The following THRB variants were observed in gnomAD, a reference collection of about 807,000 sequenced individuals.
THRB encodes the protein thyroid hormone receptor beta, also known as nuclear receptor subfamily 1 group A member 2.
A neutral mutation model predicts 47.8 loss-of-function variants in THRB; 12 were observed. The observed-to-expected ratio is 0.25, with a 90% CI of 0.16 to 0.41. THRB has a LOEUF of 0.41. Among genes scored for constraint, THRB ranks in the 10% least tolerant of loss-of-function variants. The pLI is 1.00. For synonymous variants in THRB, 218 were observed against 212.2 expected (o/e 1.03, Z -0.24); for missense variants, 348 against 589.2 (o/e 0.59, Z 4.24).
At chr3:24,336,309 G>GC (rs1179139145) in intron 2 of THRB, among the ~76,000 whole-genome samples, 1 of 152,132 alleles carries the variant, frequency 6.6e-6, no homozygotes, top group African/African-American at 2.4e-5. Flanking sequence ...TCGACAATAG[G>GC]CCAGAGGCCA....
At chr3:24,254,086 G>A (rs1201487094) in intron 3 of THRB, among the ~76,000 whole-genome samples, 6 of 150,822 alleles carry the variant, frequency 4.0e-5, no homozygotes, top group Admixed American at 1.3e-4. Flanking sequence ...TTTACCGGCC[G>A]GGCGTGGTGG....
rs568720076 is a variant in THRB, at chr3:24,210,141, A to G, written c.22+18797T>C. ...AGGGGACGGTGCTGCAAAATGGTCC[A>G]TGCTTACTACACCAAGGAGAATTGG... On this transcript the variant is annotated intron_variant, in intron 4 of 10. Coordinates refer to ENST00000646209, the MANE Select transcript of THRB (RefSeq NM_001354712.2). Among the ~76,000 whole-genome samples, 12 of 152,310 alleles carry G rather than the reference A, an allele frequency of 7.9e-5. No homozygotes were observed. In the South Asian group the frequency reaches 1.7e-3, roughly 21 times the overall value.
intron 1 of THRB, among the ~76,000 whole-genome samples, chr3:24,342,513 A>G (rs1054299166): frequency 7.9e-5 from 12 of 152,234 alleles, no homozygotes; most frequent in African/African-American, 2.6e-4. Context: ...TGTCAGAGAT[A>G]CTGTCTGAGG....
chr3:24,486,011 C>G (rs1220189141), intron 1 of THRB, among the ~76,000 whole-genome samples: 3 of 152,072 alleles, frequency 2.0e-5, no homozygotes, highest in Non-Finnish European at 4.4e-5. Context: ...CACACATTTC[C>G]CACTCCACGG....
At chr3:24,280,963 G>T (rs1432155847) in intron 3 of THRB, among the ~76,000 whole-genome samples, 3 of 151,312 alleles carry the variant, frequency 2.0e-5, no homozygotes, top group South Asian at 2.1e-4. Context: ...ACGTCTGATT[G>T]GTGTACCTGA....
In THRB at chr3:24,122,594, G is replaced by A; in HGVS notation, c.*290C>T. On this transcript the variant is annotated 3_prime_UTR_variant, in exon 11 of 11. Coordinates refer to ENST00000646209, the MANE Select transcript of THRB (RefSeq NM_001354712.2). ...CTCAAGTCTTGGACCAGGGACGGGT[G>A]GGAGCTGGTGATGCTTGGTGCTGGT... 1 of 453,008 alleles carries A rather than the reference G, an allele frequency of 2.2e-6. No individual in the cohort carries two copies. Among genetic ancestry groups the A allele is most frequent in the South Asian group, 2.1e-5 (1 of 46,692 alleles). 28.1% of individuals were successfully genotyped at this position (453,008 alleles called of 1,614,324 possible). A position where few individuals can be genotyped will look rare whatever the true frequency, so the allele number is the denominator to read the frequency against.
intron 5 of THRB, among the ~76,000 whole-genome samples, chr3:24,178,242 C>T (rs978735149): frequency 1.3e-4 from 20 of 152,190 alleles, no homozygotes; most frequent in African/African-American, 4.6e-4. Context: ...ACTATTTCTG[C>T]ATCATATAAT....
intron 1 of THRB, among the ~76,000 whole-genome samples, chr3:24,338,410 A>G (rs2062406952): frequency 6.6e-6 from 1 of 152,222 alleles, no homozygotes; most frequent in Admixed American, 6.5e-5. Flanking sequence ...ATTTACCTAT[A>G]TGATATGAAT....
intron 1 of THRB, among the ~76,000 whole-genome samples, chr3:24,429,418 G>T (rs1254235220): frequency 6.6e-6 from 1 of 151,820 alleles, no homozygotes; most frequent in East Asian, 1.9e-4. Context: ...TATCCTCAGG[G>T]TAAGACTGTA....
At chr3:24,479,061 G>A (rs1014281392) in intron 1 of THRB, among the ~76,000 whole-genome samples, 2 of 152,170 alleles carry the variant, frequency 1.3e-5, no homozygotes, top group Non-Finnish European at 1.5e-5. Context: ...CACTTTGGGA[G>A]GCCAAGGTGG....
intron 3 of THRB, among the ~76,000 whole-genome samples, chr3:24,277,831 C>G (rs575640442): frequency 6.6e-6 from 1 of 152,184 alleles, no homozygotes; most frequent in Non-Finnish European, 1.5e-5. Context: ...TAAAGAATTA[C>G]TGGCAGTCTC....
chr3:24,204,390 C>G (rs2045019777), intron 4 of THRB, among the ~76,000 whole-genome samples: 1 of 152,228 alleles, frequency 6.6e-6, no homozygotes, highest in African/African-American at 2.4e-5. Context: ...CCCAGGCAAA[C>G]AGGGTCTAGA....
intron 1 of THRB, among the ~76,000 whole-genome samples, chr3:24,448,829 CT>C (rs2072353988): frequency 6.6e-6 from 1 of 152,148 alleles, no homozygotes; most frequent in African/African-American, 2.4e-5. Context: ...CTGCCACTGG[CT>C]TTGGAGAGTA....
At chr3:24,273,494 C>T (rs904568029) in intron 3 of THRB, among the ~76,000 whole-genome samples, 1 of 152,094 alleles carries the variant, frequency 6.6e-6, no homozygotes, top group African/African-American at 2.4e-5. Flanking sequence ...AGAGTGGTCC[C>T]TGCTCCACAA....
Position 24,143,612 on chromosome 3 carries a change from C to T in THRB, c.627G>A (p.Gly209=), listed in dbSNP as rs767909466. Residue 209 remains glycine, a synonymous_variant, in exon 8 of 11, where the codon GGG becomes GGA. Coordinates refer to ENST00000646209, the MANE Select transcript of THRB (RefSeq NM_001354712.2). ...CCTCGTCTGTGGGCTCTGGCTTGTGCCCGATGGACTTCTGCAGCTCTTCCC... is the reference window on the plus strand; with the variant it reads ...CCTCGTCTGTGGGCTCTGGCTTGTGTCCGATGGACTTCTGCAGCTCTTCCC... ...RRREELQKSI[G]HKPEPTDEEW... is the part of the protein sequence containing the mutation. 2 of 1,614,066 alleles carry T rather than the reference C, an allele frequency of 1.2e-6. No homozygotes were observed. Among genetic ancestry groups the T allele is most frequent in the South Asian group, 1.1e-5 (1 of 91,092 alleles).
chr3:24,340,781 C>T (rs76329376), intron 1 of THRB, among the ~76,000 whole-genome samples: 5,798 of 152,194 alleles, frequency 0.038, 182 homozygotes, highest in Middle Eastern at 0.075. Flanking sequence ...TCTGAAAGTC[C>T]TGTTTCTCCA....
chr3:24,205,355 T>C (rs2149781664), intron 4 of THRB, among the ~76,000 whole-genome samples: 1 of 152,336 alleles, frequency 6.6e-6, no homozygotes, highest in South Asian at 2.1e-4. Flanking sequence ...TCAACATTCT[T>C]AAAGACAAGA....
intron 5 of THRB, among the ~76,000 whole-genome samples, chr3:24,162,722 A>G (rs907694300): frequency 6.6e-6 from 1 of 151,680 alleles, no homozygotes; most frequent in Non-Finnish European, 1.5e-5. Context: ...AAAACAATCC[A>G]AGGGAAACTA....
intron 1 of THRB, among the ~76,000 whole-genome samples, chr3:24,456,786 A>G (rs1450770336): frequency 6.6e-6 from 1 of 152,036 alleles, no homozygotes; most frequent in Non-Finnish European, 1.5e-5. Flanking sequence ...ATTATATAAG[A>G]TAAACTTACT....
Sources: gnomAD v4.1 joint callset for allele counts (sites outside exome capture counted in the v4.1 genomes callset) on GRCh38, gnomAD v4.1.1 for gene constraint, MANE v1.5 for transcripts, NCBI Gene and HGNC (gene_info 2026-07-23, HGNC 2026-07-21) for gene names.